Variants in LRRC7 observed in about 807,000 individuals in gnomAD.
The protein encoded by LRRC7 is leucine-rich repeat-containing protein 7.
In LRRC7, 23 loss-of-function variants were observed where a neutral mutation model predicts 175.7. That is an observed-to-expected ratio of 0.13 (90% CI 0.09 to 0.19). The LOEUF (loss-of-function observed/expected upper bound fraction) is 0.19. Ranked by LOEUF, LRRC7 falls within the 10% of genes least tolerant of loss-of-function variation. The pLI, the probability that LRRC7 is intolerant of heterozygous loss-of-function variation, is 1.00. For synonymous variants in LRRC7, 685 were observed against 680.9 expected, an observed-to-expected ratio of 1.01 and a Z score of -0.09; for missense variants, 1,354 against 1,904.7, an observed-to-expected ratio of 0.71 and a Z score of 5.38.
chr1:69,855,522 T>G (rs1193757279), intron 7 of LRRC7, among the ~76,000 whole-genome samples: 1 of 152,174 alleles, frequency 6.6e-6, no homozygotes, highest in Non-Finnish European at 1.5e-5. Context: ...CTTTTACATT[T>G]GCTGAGGAGT....
chr1:69,882,778 C>A (rs1162756356), intron 7 of LRRC7, among the ~76,000 whole-genome samples: 2 of 126,316 alleles, frequency 1.6e-5, no homozygotes, highest in Non-Finnish European at 3.3e-5. Context: ...CCCACCCCAC[C>A]ACAGTATCCA....
intron 4 of LRRC7, among the ~76,000 whole-genome samples, chr1:69,824,535 TAGAG>T (rs1249979470): frequency 6.6e-6 from 1 of 152,090 alleles, no homozygotes; most frequent in East Asian, 1.9e-4. Flanking sequence ...AAATTTTAAA[TAGAG>T]AGAAATGGCG....
chr1:69,716,196 G>T (rs1665327388), intron 2 of LRRC7: 2 of 482,784 alleles, frequency 4.1e-6, no homozygotes, highest in South Asian at 5.0e-5. Context: ...CTAGAAGTCT[G>T]CAGAGACAGG....
At chr1:69,750,386 A>G (rs1669733743) in intron 2 of LRRC7, among the ~76,000 whole-genome samples, 1 of 152,290 alleles carries the variant, frequency 6.6e-6, no homozygotes, top group South Asian at 2.1e-4. Context: ...CTCTGATTTG[A>G]TTGTCACACA....
At chr1:69,797,553 T>G (rs1046461004) in intron 4 of LRRC7, among the ~76,000 whole-genome samples, 1 of 152,180 alleles carries the variant, frequency 6.6e-6, no homozygotes, top group African/African-American at 2.4e-5. Context: ...CCATTTAGTC[T>G]TCAACTCCTG....
chr1:69,910,144 G>C (rs1036501819), intron 7 of LRRC7, among the ~76,000 whole-genome samples: 3 of 152,046 alleles, frequency 2.0e-5, no homozygotes, highest in African/African-American at 4.8e-5. Flanking sequence ...GGACTTCTCT[G>C]TATTGGTTAT....
intron 1 of LRRC7, among the ~76,000 whole-genome samples, chr1:69,657,122 A>G (rs915151207): frequency 8.0e-5 from 12 of 150,244 alleles, no homozygotes; most frequent in African/African-American, 1.2e-4. Context: ...GTGTGTGTGT[A>G]TGTGTGTGTG....
At chr1:69,685,428 G>A (rs1301683391) in intron 2 of LRRC7, among the ~76,000 whole-genome samples, 1 of 152,020 alleles carries the variant, frequency 6.6e-6, no homozygotes, top group East Asian at 1.9e-4. Flanking sequence ...TTTCTGAGAA[G>A]GAGACTGAAG....
chr1:69,829,837 C>T (rs1680332663), intron 5 of LRRC7, among the ~76,000 whole-genome samples: 1 of 151,658 alleles, frequency 6.6e-6, no homozygotes, highest in Admixed American at 6.6e-5. Flanking sequence ...TCAAGTGTAT[C>T]CAGCTTGCTA....
chr1:70,020,514 T>A (rs1657373761), intron 15 of LRRC7, among the ~76,000 whole-genome samples: 1 of 152,024 alleles, frequency 6.6e-6, no homozygotes, highest in African/African-American at 2.4e-5. Flanking sequence ...ATAAAAGAAA[T>A]TTGTATAGAG....
intron 4 of LRRC7, among the ~76,000 whole-genome samples, chr1:69,807,870 C>T (rs566314737): frequency 6.6e-5 from 10 of 151,998 alleles, no homozygotes; most frequent in Non-Finnish European, 1.3e-4. Flanking sequence ...GAAGTTCTCC[C>T]GGATAATATC....
Position 69,934,782 on chromosome 1 carries a change from C to T in LRRC7, c.711+3212C>T, listed in dbSNP as rs911631933. On this transcript the variant is annotated intron_variant, in intron 8 of 26. Coordinates refer to ENST00000651989, the MANE Select transcript of LRRC7 (RefSeq NM_001370785.2). The stretch of plus-strand genomic sequence containing the variant: ...TGTATGGAACCAGATAACATTAACC[C>T]TTAGGATCATCCTCTTTGCTGACCA... 2.0e-5 allele frequency among the ~76,000 whole-genome samples: 3 copies of T among 152,020 alleles called. No homozygotes were observed. In the East Asian group the frequency reaches 5.8e-4, roughly 29 times the overall value.
intron 22 of LRRC7, among the ~76,000 whole-genome samples, chr1:70,051,530 G>A (rs770399592): frequency 3.1e-4 from 47 of 151,942 alleles, no homozygotes; most frequent in Non-Finnish European, 4.9e-4. Context: ...ACAGACAGTC[G>A]TTGAATAGCT....
At chr1:69,943,768 C>T (rs1648988548) in intron 8 of LRRC7, among the ~76,000 whole-genome samples, 1 of 151,932 alleles carries the variant, frequency 6.6e-6, no homozygotes, top group African/African-American at 2.4e-5. Flanking sequence ...GTAAACCTGC[C>T]TCTAGGTAGA....
intron 7 of LRRC7, among the ~76,000 whole-genome samples, chr1:69,875,966 C>A (rs926000776): frequency 6.6e-6 from 1 of 152,018 alleles, no homozygotes; most frequent in Non-Finnish European, 1.5e-5. Flanking sequence ...ACCATACAAC[C>A]CTTTCCTTCT....
At chr1:69,570,424 G>T (rs1053260599) in intron 1 of LRRC7, among the ~76,000 whole-genome samples, 1 of 150,956 alleles carries the variant, frequency 6.6e-6, no homozygotes, top group African/African-American at 2.4e-5. Flanking sequence ...TTTTTTTACC[G>T]CCCACCCTTC....
chr1:69,943,989 A>AC (rs1649031866), intron 8 of LRRC7, among the ~76,000 whole-genome samples: 4 of 138,170 alleles, frequency 2.9e-5, no homozygotes, highest in Admixed American at 1.4e-4. Context: ...CACACACACA[A>AC]CATGAGATTT....
chr1:70,093,872 C>T (rs567037312), intron 25 of LRRC7, among the ~76,000 whole-genome samples: 1 of 152,184 alleles, frequency 6.6e-6, no homozygotes, highest in East Asian at 1.9e-4. Flanking sequence ...GTATAATTTC[C>T]ACAGGATGTT....
intron 5 of LRRC7, among the ~76,000 whole-genome samples, chr1:69,834,494 A>G (rs567721470): frequency 1.3e-5 from 2 of 152,286 alleles, no homozygotes; most frequent in African/African-American, 2.4e-5. Context: ...GCTAGCGTGC[A>G]TAAGGTTAGG....
Sources: allele counts gnomAD v4.1 joint callset (sites outside exome capture counted in the v4.1 genomes callset), GRCh38; gene constraint gnomAD v4.1.1; transcripts MANE v1.5; gene names NCBI Gene and HGNC (gene_info 2026-07-23, HGNC 2026-07-21).